Variants in PRR5L observed in about 807,000 individuals in gnomAD.
The protein encoded by PRR5L is proline-rich protein 5-like.
In PRR5L, 21 loss-of-function variants were observed where a neutral mutation model predicts 36.4. That is an observed-to-expected ratio of 0.58 (90% CI 0.41 to 0.83). The LOEUF (loss-of-function observed/expected upper bound fraction) is 0.83. PRR5L is among the 40% of genes least tolerant of loss of function. The pLI is 0.00. For synonymous variants in PRR5L, 188 were observed against 197.0 expected (o/e 0.95, Z 0.38); for missense variants, 381 against 473.3 (o/e 0.80, Z 1.81).
rs557975477 is a variant in PRR5L, at chr11:36,313,486, T to G, written c.-126+17048T>G. The stretch of plus-strand genomic sequence containing the variant: ...TTTGTCCTGGTCCCTGCGTTCTGAC[T>G]GGAGACACTTTGCTTTGTTGGGTAG... On this transcript the variant is annotated intron_variant, in intron 1 of 8. Coordinates refer to ENST00000530639, the MANE Select transcript of PRR5L (RefSeq NM_001160167.2). Among the ~76,000 whole-genome samples, 6 of 152,368 alleles carry G rather than the reference T, an allele frequency of 3.9e-5. No homozygotes were observed. In the South Asian group the frequency reaches 1.2e-3, roughly 32 times the overall value.
chr11:36,464,829 T>C lies in PRR5L; in HGVS notation c.*2093T>C, dbSNP rs953823923. The C allele has an allele frequency of 6.6e-6, 1 of 152,224 alleles. No individual in the cohort carries two copies. Among genetic ancestry groups the C allele is most frequent in the Non-Finnish European group, 1.5e-5 (1 of 68,044 alleles). The allele number at this position is 152,224 out of a possible 1,614,324, so 9.4% of individuals were successfully genotyped here. ...GAGGAGAGCAGTCATCAATTAAATA[T>C]ATAAGCTCTTAAAATGAGAATGGAA... is the stretch of plus-strand genomic sequence containing the variant. On this transcript the variant is annotated 3_prime_UTR_variant, in exon 9 of 9. Transcript: ENST00000530639.
intron 1 of PRR5L, among the ~76,000 whole-genome samples, chr11:36,324,625 A>G (rs35214160): frequency 0.011 from 1,626 of 152,338 alleles, 18 homozygotes; most frequent in South Asian, 0.031. Flanking sequence ...TCATTGCCAA[A>G]AAATTCTAAG....
At chr11:36,409,297 C>T (rs1827883476) in intron 3 of PRR5L, among the ~76,000 whole-genome samples, 2 of 152,136 alleles carry the variant, frequency 1.3e-5, no homozygotes, top group South Asian at 4.1e-4. Context: ...GATGAAGTTT[C>T]CGGAAACCAG....
At chr11:36,411,928 TCA>T (rs1161957938) in intron 3 of PRR5L, among the ~76,000 whole-genome samples, 1 of 152,190 alleles carries the variant, frequency 6.6e-6, no homozygotes, top group Non-Finnish European at 1.5e-5. Flanking sequence ...ACCCAGGGCT[TCA>T]GAGTCCTGGG....
At chr11:36,460,278 T>C (rs752675544) in intron 8 of PRR5L, among the ~76,000 whole-genome samples, 3 of 152,224 alleles carry the variant, frequency 2.0e-5, no homozygotes, top group Non-Finnish European at 1.5e-5. Context: ...AGCTCAAAAC[T>C]GCATGTCTGT....
At chr11:36,405,838 T>G (rs1477291250) in intron 3 of PRR5L, among the ~76,000 whole-genome samples, 1 of 152,238 alleles carries the variant, frequency 6.6e-6, no homozygotes, top group Non-Finnish European at 1.5e-5. Flanking sequence ...TGTGTACACA[T>G]GACCTCTTTT....
At chr11:36,446,537 G>C (rs1858834411) in intron 7 of PRR5L, 97 bp downstream of exon 7, 1 of 1,466,678 alleles carries the variant, frequency 6.8e-7, no homozygotes, top group African/African-American at 1.4e-5. Context: ...AGTGACCAGA[G>C]CACCTTAGCT....
chr11:36,411,469 C>T (rs1299761591), intron 3 of PRR5L, among the ~76,000 whole-genome samples: 1 of 152,048 alleles, frequency 6.6e-6, no homozygotes, highest in Admixed American at 6.5e-5. Context: ...CATTTTTTCC[C>T]CCTGTTATGG....
chr11:36,313,173 C>T (rs1252479525), intron 1 of PRR5L, among the ~76,000 whole-genome samples: 2 of 152,240 alleles, frequency 1.3e-5, no homozygotes, highest in African/African-American at 2.4e-5. Context: ...TCACCGCCAC[C>T]TTCAGCAGCA....
chr11:36,316,794 G>C (rs1340406479), intron 1 of PRR5L, among the ~76,000 whole-genome samples: 3 of 152,146 alleles, frequency 2.0e-5, no homozygotes, highest in Non-Finnish European at 4.4e-5. Context: ...TAGCTAATTT[G>C]TTAGTCCTAC....
chr11:36,435,002 T>C (rs1392259014), intron 5 of PRR5L, among the ~76,000 whole-genome samples: 1 of 152,116 alleles, frequency 6.6e-6, no homozygotes, highest in Non-Finnish European at 1.5e-5. Context: ...CCTGCAAGGT[T>C]CTCTCTTCTT....
intron 1 of PRR5L, among the ~76,000 whole-genome samples, chr11:36,342,769 C>G (rs768007672): frequency 6.6e-6 from 1 of 152,188 alleles, no homozygotes; most frequent in Non-Finnish European, 1.5e-5. Context: ...CCTTTACAAT[C>G]CAGTCTTCTT....
chr11:36,336,750 G>C (rs1040719508), intron 1 of PRR5L, among the ~76,000 whole-genome samples: 2 of 151,992 alleles, frequency 1.3e-5, no homozygotes, highest in Non-Finnish European at 2.9e-5. Flanking sequence ...AAAAATGTCT[G>C]CTTCCCATTT....
At chr11:36,383,414 C>T (rs1319419221) in intron 1 of PRR5L, among the ~76,000 whole-genome samples, 1 of 152,182 alleles carries the variant, frequency 6.6e-6, no homozygotes, top group African/African-American at 2.4e-5. Flanking sequence ...GCCCGTGGGC[C>T]AAACTTTGGC....
rs547012212 is a variant in PRR5L, at chr11:36,457,841, C to G, written c.713-4501C>G. ...AGGGTTCAGGTCCCCACATGGGTTT[C>G]CCAACAGCAATCTGAAGTGTGTACT... On this transcript the variant is annotated intron_variant, in intron 8 of 8. Coordinates refer to ENST00000530639, the MANE Select transcript of PRR5L (RefSeq NM_001160167.2). 1.2e-3 allele frequency among the ~76,000 whole-genome samples: 190 copies of G among 152,258 alleles called. 1 individual carries two copies. The highest frequency in any genetic ancestry group is 4.5e-3 in the African/African-American group (186 of 41,568).
chr11:36,309,907 G>A (rs1029631583), intron 1 of PRR5L, among the ~76,000 whole-genome samples: 7 of 10,502 alleles, frequency 6.7e-4, no homozygotes, highest in East Asian at 4.4e-3. Context: ...TGATTATCCC[G>A]TTAGTTATGT....
At chr11:36,300,527 A>G (rs994569409) in intron 1 of PRR5L, among the ~76,000 whole-genome samples, 1 of 152,124 alleles carries the variant, frequency 6.6e-6, no homozygotes, top group African/African-American at 2.4e-5. Context: ...CATTCAAACT[A>G]TATCAGCAAT....
intron 3 of PRR5L, among the ~76,000 whole-genome samples, chr11:36,404,085 G>A (rs184750244): frequency 3.9e-5 from 6 of 152,252 alleles, no homozygotes; most frequent in Middle Eastern, 3.4e-3. Flanking sequence ...TAGAAACTGC[G>A]CATGCAAAGT....
At chr11:36,383,407 C>A (rs879854144) in intron 1 of PRR5L, among the ~76,000 whole-genome samples, 1 of 152,170 alleles carries the variant, frequency 6.6e-6, no homozygotes. Flanking sequence ...ACTGGCAGCC[C>A]GTGGGCCAAA....
Sources: gnomAD v4.1 joint callset for allele counts (sites outside exome capture counted in the v4.1 genomes callset) on GRCh38, gnomAD v4.1.1 for gene constraint, MANE v1.5 for transcripts, NCBI Gene and HGNC (gene_info 2026-07-23, HGNC 2026-07-21) for gene names.